The following CDC42SE2 variants were observed in gnomAD, a reference collection of about 807,000 sequenced individuals.
CDC42SE2 encodes the protein CDC42 small effector protein 2.
Under a neutral mutation model 11.5 loss-of-function variants are expected in CDC42SE2, and 3 were observed. That is an observed-to-expected ratio of 0.26 (90% CI 0.12 to 0.67). The LOEUF (loss-of-function observed/expected upper bound fraction) is 0.67, where lower values mean the gene tolerates loss of function less well. Ranked by LOEUF, CDC42SE2 falls within the 30% of genes least tolerant of loss-of-function variation. The pLI is 0.80. For synonymous variants in CDC42SE2, 33 were observed against 34.8 expected, an observed-to-expected ratio of 0.95 and a Z score of 0.18; for missense variants, 82 against 106.8, an observed-to-expected ratio of 0.77 and a Z score of 1.02.
chr5:131,338,044 G>T (rs150556051), intron 2 of CDC42SE2, among the ~76,000 whole-genome samples: 1 of 152,360 alleles, frequency 6.6e-6, no homozygotes, highest in East Asian at 1.9e-4. Context: ...CTTCTGCGTC[G>T]CTCACGCTGG....
At chr5:131,229,666 G>A in the CDC42SE2 span, among the ~76,000 whole-genome samples, 2 of 152,200 alleles carry the variant, frequency 1.3e-5, no homozygotes, top group Non-Finnish European at 2.9e-5. Flanking sequence ...GGGCATAGTG[G>A]TTCATGCCTA....
At chr5:131,379,917 C>CT (rs1031678622) in intron 3 of CDC42SE2, among the ~76,000 whole-genome samples, 4 of 150,114 alleles carry the variant, frequency 2.7e-5, no homozygotes, top group East Asian at 1.9e-4. Context: ...CATGACTATT[C>CT]TTTTTTTTTC....
At chr5:131,307,880 T>G (rs1272571781) in intron 1 of CDC42SE2, among the ~76,000 whole-genome samples, 1 of 152,248 alleles carries the variant, frequency 6.6e-6, no homozygotes, top group Non-Finnish European at 1.5e-5. Flanking sequence ...GAAAAGTGTC[T>G]GCTCATATCC....
At chr5:131,234,214 ATTTG>A in the CDC42SE2 span, among the ~76,000 whole-genome samples, 1 of 152,244 alleles carries the variant, frequency 6.6e-6, no homozygotes, top group East Asian at 1.9e-4. Flanking sequence ...GATTAGAAAC[ATTTG>A]TTGTTTGCAA....
At chr5:131,218,254 G>T in the CDC42SE2 span, among the ~76,000 whole-genome samples, 2 of 150,926 alleles carry the variant, frequency 1.3e-5, no homozygotes, top group Non-Finnish European at 2.9e-5. Flanking sequence ...ACACCTCACA[G>T]AAGGGGATAT....
intron 1 of CDC42SE2, among the ~76,000 whole-genome samples, chr5:131,247,548 G>C (rs1330325581): frequency 6.6e-6 from 1 of 152,076 alleles, no homozygotes; most frequent in Non-Finnish European, 1.5e-5. Context: ...GAACCCGGGA[G>C]GTGGAAGCTG....
chr5:131,238,327 C>A, the CDC42SE2 span, among the ~76,000 whole-genome samples: 1 of 151,928 alleles, frequency 6.6e-6, no homozygotes, highest in Non-Finnish European at 1.5e-5. Context: ...GAAAACCCGT[C>A]TCTACTAAAA....
intron 1 of CDC42SE2, among the ~76,000 whole-genome samples, chr5:131,299,504 A>C (rs1028194454): frequency 5.9e-5 from 9 of 152,174 alleles, no homozygotes; most frequent in African/African-American, 2.2e-4. Flanking sequence ...GGTAGATGAG[A>C]GGGAATTTAA....
At chr5:131,288,259 G>A (rs549890873) in intron 1 of CDC42SE2, among the ~76,000 whole-genome samples, 1 of 152,060 alleles carries the variant, frequency 6.6e-6, no homozygotes, top group South Asian at 2.1e-4. Context: ...TTTAAAAATA[G>A]TATGTGAACT....
intron 1 of CDC42SE2, among the ~76,000 whole-genome samples, chr5:131,301,143 G>C (rs184103340): frequency 9.2e-4 from 140 of 152,184 alleles, no homozygotes; most frequent in Admixed American, 1.7e-3. Context: ...CGTTGCTGTG[G>C]GTGTGTATAT....
chr5:131,326,651 G>T (rs1483353755), intron 2 of CDC42SE2, among the ~76,000 whole-genome samples: 2 of 152,062 alleles, frequency 1.3e-5, no homozygotes, highest in Non-Finnish European at 2.9e-5. Context: ...CATATATTGA[G>T]ACTTTGTTTG....
intron 2 of CDC42SE2, among the ~76,000 whole-genome samples, chr5:131,318,857 A>T (rs1015109756): frequency 2.0e-5 from 3 of 152,182 alleles, no homozygotes; most frequent in African/African-American, 7.2e-5. Flanking sequence ...TTAGGTAAGG[A>T]TGCCTCTGAC....
chr5:131,252,483 G>A (rs1018613091), intron 1 of CDC42SE2, among the ~76,000 whole-genome samples: 4 of 152,154 alleles, frequency 2.6e-5, no homozygotes, highest in East Asian at 1.9e-4. Flanking sequence ...GTGAAACCCC[G>A]TCTCTACTAA....
At chr5:131,337,638 C>T (rs1758606109) in intron 2 of CDC42SE2, among the ~76,000 whole-genome samples, 1 of 152,208 alleles carries the variant, frequency 6.6e-6, no homozygotes, top group South Asian at 2.1e-4. Context: ...TTCCAGGCTG[C>T]TTTGTTTACC....
rs994212667 is a variant in CDC42SE2, at chr5:131,394,318, G to A, written c.*3227G>A. The A allele has an allele frequency of 6.6e-6, 1 of 152,308 alleles. No homozygotes were observed. 9.4% of individuals were successfully genotyped at this position (152,308 alleles called of 1,614,324 possible). The stretch of plus-strand genomic sequence containing the variant: ...AAAGAGGTACTTTCCCATGATGTAG[G>A]CATGAAGTGGTGCCAGTAAGCGTAG... On this transcript the variant is annotated 3_prime_UTR_variant, in exon 5 of 5. Coordinates refer to ENST00000505065, the MANE Select transcript of CDC42SE2 (RefSeq NM_001375635.1).
intron 3 of CDC42SE2, among the ~76,000 whole-genome samples, chr5:131,363,822 A>C (rs1749780773): frequency 6.6e-6 from 1 of 150,918 alleles, no homozygotes; most frequent in South Asian, 2.1e-4. Flanking sequence ...CAGCCTCCCG[A>C]GTAGCTGGGA....
intron 2 of CDC42SE2, among the ~76,000 whole-genome samples, chr5:131,350,625 G>GTGTGTGTGTGTGTGTGTT (rs1758983707): frequency 7.2e-6 from 1 of 139,188 alleles, no homozygotes; most frequent in East Asian, 2.1e-4. Context: ...GTGTGTGTGT[G>GTGTGTGTGTGTGTGTGTT]TGTGTGTGTG....
chr5:131,256,697 A>G (rs547944774), intron 2 of CDC42SE2, among the ~76,000 whole-genome samples: 2 of 152,312 alleles, frequency 1.3e-5, no homozygotes, highest in Non-Finnish European at 2.9e-5. Flanking sequence ...GCCAAGGGCC[A>G]CTTTCTGCTC....
chr5:131,220,102 G>A, the CDC42SE2 span, among the ~76,000 whole-genome samples: 4 of 152,156 alleles, frequency 2.6e-5, no homozygotes, highest in African/African-American at 9.7e-5. Context: ...TTTTATACAT[G>A]TAGGTTGTCA....
Sources: allele counts gnomAD v4.1 joint callset (sites outside exome capture counted in the v4.1 genomes callset), GRCh38; gene constraint gnomAD v4.1.1; transcripts MANE v1.5; gene names NCBI Gene and HGNC (gene_info 2026-07-23, HGNC 2026-07-21).